The following PPM1H variants were observed in gnomAD, a reference collection of about 807,000 sequenced individuals.
PPM1H encodes the protein protein phosphatase 1H.
PPM1H carries 27 observed loss-of-function variants against 54.9 expected under a neutral mutation model. That is an observed-to-expected ratio of 0.49 (90% CI 0.36 to 0.68). PPM1H has a LOEUF of 0.68. Ranked by LOEUF, PPM1H falls within the 30% of genes least tolerant of loss-of-function variation. The probability of loss-of-function intolerance (pLI) is 0.00; values close to 1 mark genes in which losing one functional copy is unlikely to be tolerated. For synonymous variants in PPM1H, 305 were observed against 270.8 expected (o/e 1.13, Z -1.24); for missense variants, 596 against 667.8 (o/e 0.89, Z 1.19).
In PPM1H at chr12:62,774,905, C is replaced by T. The variant is rs952526067; in HGVS notation, c.869+13321G>A. Among the ~76,000 whole-genome samples the T allele has an allele frequency of 3.3e-5, 5 of 152,104 alleles. No homozygotes were observed. The South Asian group carries it at 8.3e-4, about 25-fold the overall frequency. On this transcript the variant is annotated intron_variant, in intron 4 of 9. Coordinates refer to ENST00000228705, the MANE Select transcript of PPM1H (RefSeq NM_020700.2). ...ATCCAGGTTCTGGTACGAGTTCTGC[C>T]GCCGGCTATCTGTGGGAACTTGAGA...
chr12:62,822,812 C>A (rs1400653273), intron 2 of PPM1H, among the ~76,000 whole-genome samples: 1 of 151,694 alleles, frequency 6.6e-6, no homozygotes, highest in Non-Finnish European at 1.5e-5. Flanking sequence ...AAATTGACAC[C>A]CTAACATCAC....
At chr12:62,896,656 T>C (rs897417957) in intron 1 of PPM1H, among the ~76,000 whole-genome samples, 1 of 152,210 alleles carries the variant, frequency 6.6e-6, no homozygotes, top group Non-Finnish European at 1.5e-5. Flanking sequence ...TTGGTGGGAC[T>C]GTAAACTAGT....
In PPM1H at chr12:62,844,686, C is replaced by T. The variant is rs1159192042; in HGVS notation, c.246-12407G>A. 6.6e-6 allele frequency among the ~76,000 whole-genome samples: 1 copy of T among 152,144 alleles called. No homozygotes were observed. The highest frequency in any genetic ancestry group is 1.5e-5 in the Non-Finnish European group (1 of 68,032). On this transcript the variant is annotated intron_variant, in intron 1 of 9. Transcript: ENST00000228705. This position sits in a 1 kb window ranked among gnomAD's most constrained non-coding sequence, Gnocchi z 5.2. Reference sequence around the variant, plus strand: ...GTTCCAAAATGTTGTGTGTTTATTTCAGTTGTGTTCTCCCTATCTCAAATC... The same window carrying T: ...GTTCCAAAATGTTGTGTGTTTATTTTAGTTGTGTTCTCCCTATCTCAAATC...
intron 3 of PPM1H, among the ~76,000 whole-genome samples, chr12:62,793,513 T>G (rs946574110): frequency 6.6e-6 from 1 of 151,674 alleles, no homozygotes; most frequent in Non-Finnish European, 1.5e-5. Flanking sequence ...TCACCTGAGG[T>G]CGGGCAGTGG....
chr12:62,756,149 C>G, intron 4 of PPM1H: 1 of 843,454 alleles, frequency 1.2e-6, no homozygotes, highest in South Asian at 1.3e-5. Flanking sequence ...ACCACTTTGT[C>G]AAGCTCATTT....
intron 2 of PPM1H, among the ~76,000 whole-genome samples, chr12:62,824,754 G>T (rs1868269676): frequency 6.6e-6 from 1 of 152,078 alleles, no homozygotes; most frequent in African/African-American, 2.4e-5. Context: ...ATTAATTGAA[G>T]ATGGATTAAA....
chr12:62,836,926 T>C (rs1388821096), intron 1 of PPM1H, among the ~76,000 whole-genome samples: 1 of 152,144 alleles, frequency 6.6e-6, no homozygotes, highest in East Asian at 1.9e-4. Context: ...TAAAAGTAGG[T>C]AAACACAGAC....
intron 9 of PPM1H, chr12:62,659,260 TAAAAACTGCAAAAAAAAAAAAAAA>T: frequency 2.2e-5 from 1 of 45,460 alleles, no homozygotes; most frequent in South Asian, 5.4e-4. Flanking sequence ...TAAAAAACCG[TAAAAACTGCAAAAAAAAAAAAAAA>T]AAAAAAAGAG....
At chr12:62,839,110 G>A (rs926280636) in intron 1 of PPM1H, among the ~76,000 whole-genome samples, 2 of 152,112 alleles carry the variant, frequency 1.3e-5, no homozygotes, top group African/African-American at 2.4e-5. Flanking sequence ...AGGTGGCTAA[G>A]TAACATCTCA....
intron 4 of PPM1H, among the ~76,000 whole-genome samples, chr12:62,746,141 G>A (rs2076409120): frequency 6.6e-6 from 1 of 152,114 alleles, no homozygotes; most frequent in Admixed American, 6.5e-5. Flanking sequence ...GCTATGATGA[G>A]CTATGATCAT....
chr12:62,862,411 G>T (rs1035961934), intron 1 of PPM1H, among the ~76,000 whole-genome samples: 1 of 152,174 alleles, frequency 6.6e-6, no homozygotes, highest in Admixed American at 6.5e-5. Flanking sequence ...GAATGTCTGC[G>T]AGAGGCAAAC....
rs1005788602 is a variant in PPM1H, at chr12:62,705,153, C to G, written c.1074-11154G>C. Among the ~76,000 whole-genome samples, 13 of 152,326 alleles carry G rather than the reference C, an allele frequency of 8.5e-5. No individual in the cohort carries two copies. In the South Asian group the frequency reaches 2.1e-3, roughly 24 times the overall value. On this transcript the variant is annotated intron_variant, in intron 6 of 9. Transcript: ENST00000228705. ...CGGCAAAAAACAATATTTACCCTAA[C>G]TATGTGATATACACCGATATTTTCT... is the stretch of plus-strand genomic sequence containing the variant.
At chr12:62,726,548 T>C (rs1427630110) in intron 5 of PPM1H, among the ~76,000 whole-genome samples, 1 of 152,150 alleles carries the variant, frequency 6.6e-6, no homozygotes, top group African/African-American at 2.4e-5. Context: ...TGCTTCTTGT[T>C]CTAATAATTT....
rs552737161 is a variant in PPM1H, at chr12:62,801,803, C to G, written c.756+13G>C. ...GCCTGGCCCTGCTGCCCCAGACTCC[C>G]AGGAATACCTACCATTTCCTTGAAT... On this transcript the variant is annotated intron_variant, in intron 3 of 9. Coordinates refer to ENST00000228705, the MANE Select transcript of PPM1H (RefSeq NM_020700.2). 1 of 1,613,300 alleles carries G rather than the reference C, an allele frequency of 6.2e-7. No homozygotes were observed. Among genetic ancestry groups the G allele is most frequent in the East Asian group, 2.2e-5 (1 of 44,870 alleles).
chr12:62,855,917 A>G (rs982527382), intron 1 of PPM1H, among the ~76,000 whole-genome samples: 1 of 152,186 alleles, frequency 6.6e-6, no homozygotes, highest in Non-Finnish European at 1.5e-5. Flanking sequence ...TTTCCCTTTA[A>G]GATGTGTTAT....
chr12:62,901,059 T>G (rs699575), intron 1 of PPM1H, among the ~76,000 whole-genome samples: 5,322 of 152,330 alleles, frequency 0.035, 145 homozygotes, highest in Non-Finnish European at 0.057. Flanking sequence ...TGGAGAGTCA[T>G]CCGCCTCTAT....
chr12:62,902,548 C>G (rs1424665794), intron 1 of PPM1H, among the ~76,000 whole-genome samples: 2 of 152,166 alleles, frequency 1.3e-5, no homozygotes, highest in Non-Finnish European at 2.9e-5. Context: ...CCTGATAAGG[C>G]TCTCATGGGG....
In PPM1H at chr12:62,801,853, A is replaced by G; in HGVS notation, c.719T>C (p.Leu240Pro). ...FTEKKIPHEC[L>P]VIGALESAFK... The stretch of plus-strand genomic sequence containing the variant: ...TGCACTTTCAAGCGCTCCGATGACC[A>G]GGCACTCATGGGGAATCTTCTTCTC... The change falls in exon 3 of 10, where the codon CTG (leucine) becomes CCG (proline). Residue 240 changes from leucine to proline, a missense_variant. Transcript: ENST00000228705. The G allele has an allele frequency of 6.2e-7, 1 of 1,613,804 alleles. No individual in the cohort carries two copies. The highest frequency in any genetic ancestry group is 2.2e-5 in the East Asian group (1 of 44,846).
At chr12:62,862,996 C>T (rs1869653335) in intron 1 of PPM1H, among the ~76,000 whole-genome samples, 1 of 152,076 alleles carries the variant, frequency 6.6e-6, no homozygotes, top group Non-Finnish European at 1.5e-5. Flanking sequence ...TATTATACAG[C>T]ATTGCTTCCA....
Sources: allele counts gnomAD v4.1 joint callset (sites outside exome capture counted in the v4.1 genomes callset), GRCh38; gene constraint gnomAD v4.1.1; non-coding constraint Gnocchi (gnomAD v3.1); transcripts MANE v1.5; gene names NCBI Gene and HGNC (gene_info 2026-07-23, HGNC 2026-07-21).